SCAPER: variants seen among roughly 807,000 people sequenced by gnomAD.
SCAPER encodes S phase cyclin A-associated protein in the endoplasmic reticulum.
Under a neutral mutation model 182.2 loss-of-function variants are expected in SCAPER, and 98 were observed. The observed-to-expected ratio is 0.54, with a 90% CI of 0.46 to 0.64. The LOEUF is 0.64. SCAPER is among the 30% of genes least tolerant of loss of function. The probability of loss-of-function intolerance (pLI) is 0.00; values close to 1 mark genes in which losing one functional copy is unlikely to be tolerated. For synonymous variants in SCAPER, 605 were observed against 564.6 expected (o/e 1.07, Z -1.01); for missense variants, 1,432 against 1,690.0 (o/e 0.85, Z 2.68).
intron 5 of SCAPER, among the ~76,000 whole-genome samples, chr15:76,811,906 CAAAT>C (rs937637870): frequency 4.0e-5 from 6 of 151,652 alleles, no homozygotes; most frequent in Non-Finnish European, 8.8e-5. Context: ...AGAAATATCT[CAAAT>C]AAACAACCTA....
At chr15:76,867,114 T>A (rs1360576353) in intron 2 of SCAPER, among the ~76,000 whole-genome samples, 1 of 152,214 alleles carries the variant, frequency 6.6e-6, no homozygotes, top group Non-Finnish European at 1.5e-5. Flanking sequence ...CTCTTAGGTT[T>A]AAAATATCTA....
At chr15:76,712,169 T>G (rs935293965) in intron 17 of SCAPER, among the ~76,000 whole-genome samples, 73 of 152,352 alleles carry the variant, frequency 4.8e-4, no homozygotes, top group African/African-American at 6.3e-4. Flanking sequence ...TAGACAGTTT[T>G]CCCAGCACCT....
chr15:76,742,437 A>G (rs867503885), intron 15 of SCAPER, among the ~76,000 whole-genome samples: 2 of 144,220 alleles, frequency 1.4e-5, no homozygotes, highest in Non-Finnish European at 3.0e-5. Flanking sequence ...GACCCACAGC[A>G]CAAGGAATAA....
chr15:76,506,691 T>C (rs929897468), intron 23 of SCAPER, among the ~76,000 whole-genome samples: 3 of 152,150 alleles, frequency 2.0e-5, no homozygotes, highest in Non-Finnish European at 4.4e-5. Flanking sequence ...CTTTATCACA[T>C]TGTAATCTTA....
intron 2 of SCAPER, among the ~76,000 whole-genome samples, chr15:76,874,672 T>A (rs954163943): frequency 6.6e-6 from 1 of 152,122 alleles, no homozygotes; most frequent in Non-Finnish European, 1.5e-5. Context: ...TAAAATTGTA[T>A]CCGGTCAGTC....
intron 10 of SCAPER, among the ~76,000 whole-genome samples, chr15:76,768,718 T>C (rs189152225): frequency 4.8e-3 from 724 of 152,126 alleles, no homozygotes; most frequent in Non-Finnish European, 8.2e-3. Flanking sequence ...TTACAGTCAG[T>C]GATTTCAGTA....
Position 76,452,859 on chromosome 15 carries a change from G to C in SCAPER, c.3078+18353C>G, listed in dbSNP as rs76187498. 2.0e-5 allele frequency among the ~76,000 whole-genome samples: 3 copies of C among 148,616 alleles called. No homozygotes were observed. The South Asian group carries it at 6.3e-4, about 31-fold the overall frequency. On this transcript the variant is annotated intron_variant, in intron 25 of 31. Transcript: ENST00000563290. ...GTTCAAAGAACTTTTTTTTTTTTTAGAGATAGAGTTGCCCGGGGTAGAATG... is the reference window on the plus strand; with the variant it reads ...GTTCAAAGAACTTTTTTTTTTTTTACAGATAGAGTTGCCCGGGGTAGAATG...
At chr15:76,813,426 T>C (rs1055743793) in intron 5 of SCAPER, among the ~76,000 whole-genome samples, 2 of 151,398 alleles carry the variant, frequency 1.3e-5, no homozygotes, top group Non-Finnish European at 2.9e-5. Context: ...TTCTAGTCAA[T>C]GTAGTACTGA....
intron 25 of SCAPER, among the ~76,000 whole-genome samples, chr15:76,439,340 A>G (rs2047408041): frequency 6.6e-6 from 1 of 152,156 alleles, no homozygotes; most frequent in South Asian, 2.1e-4. Flanking sequence ...TAGCCTCCCA[A>G]AGACCTTCTT....
chr15:76,562,437 A>C (rs906590894), intron 23 of SCAPER, among the ~76,000 whole-genome samples: 1 of 152,186 alleles, frequency 6.6e-6, no homozygotes, highest in African/African-American at 2.4e-5. Context: ...AGGATATTCT[A>C]ACAATCAGTA....
intron 8 of SCAPER, among the ~76,000 whole-genome samples, chr15:76,790,715 G>A (rs529477793): frequency 6.6e-6 from 1 of 151,904 alleles, no homozygotes; most frequent in South Asian, 2.1e-4. Flanking sequence ...TGGTCTTTTG[G>A]CTAAGATCAA....
intron 22 of SCAPER, among the ~76,000 whole-genome samples, chr15:76,615,528 CACACA>C (rs2051391730): frequency 7.2e-6 from 1 of 139,054 alleles, no homozygotes; most frequent in South Asian, 2.3e-4. Context: ...CACACACACA[CACACA>C]AATGAGGCCA....
At chr15:76,596,981 A>C (rs570053349) in intron 22 of SCAPER, among the ~76,000 whole-genome samples, 2 of 121,822 alleles carry the variant, frequency 1.6e-5, no homozygotes, top group East Asian at 4.4e-4. Flanking sequence ...AGAGAAAGAA[A>C]TAAAGAGTAT....
intron 22 of SCAPER, among the ~76,000 whole-genome samples, chr15:76,612,411 G>A (rs1299917614): frequency 6.6e-6 from 1 of 152,094 alleles, no homozygotes; most frequent in East Asian, 1.9e-4. Context: ...TAATTTTTTT[G>A]TATTTTTAGT....
chr15:76,896,985 G>T (rs965904513), intron 1 of SCAPER, among the ~76,000 whole-genome samples: 1 of 151,900 alleles, frequency 6.6e-6, no homozygotes, highest in African/African-American at 2.4e-5. Context: ...AGTAAGTTCT[G>T]AAGTCAGACA....
intron 17 of SCAPER, among the ~76,000 whole-genome samples, chr15:76,715,260 C>A (rs573752187): frequency 3.3e-5 from 5 of 152,018 alleles, no homozygotes; most frequent in African/African-American, 1.2e-4. Context: ...AGTAATTGCA[C>A]CCCCAGCACC....
intron 5 of SCAPER, among the ~76,000 whole-genome samples, chr15:76,819,957 A>T (rs185172292): frequency 6.6e-6 from 1 of 152,378 alleles, no homozygotes; most frequent in Admixed American, 6.5e-5. Flanking sequence ...TCAAAAGAAG[A>T]CATTTATGCA....
At chr15:76,565,517 C>CA (rs988287308) in intron 23 of SCAPER, among the ~76,000 whole-genome samples, 1 of 151,824 alleles carries the variant, frequency 6.6e-6, no homozygotes, top group Non-Finnish European at 1.5e-5. Context: ...ATTAAAATGT[C>CA]AAAAAAATAA....
intron 21 of SCAPER, among the ~76,000 whole-genome samples, chr15:76,653,066 C>T (rs2055310099): frequency 6.6e-6 from 1 of 152,084 alleles, no homozygotes; most frequent in Non-Finnish European, 1.5e-5. Context: ...AGTAGCATTG[C>T]TAACAACATC....
Sources: allele counts gnomAD v4.1 joint callset (sites outside exome capture counted in the v4.1 genomes callset), GRCh38; gene constraint gnomAD v4.1.1; transcripts MANE v1.5; gene names NCBI Gene and HGNC (gene_info 2026-07-23, HGNC 2026-07-21).